Variants in MLLT3 observed in about 807,000 individuals in gnomAD.
MLLT3 encodes protein AF-9.
Under a neutral mutation model 53.2 loss-of-function variants are expected in MLLT3, and 4 were observed. The ratio of observed to expected loss-of-function variants is 0.08; its 90% CI spans 0.04 to 0.17. The LOEUF is 0.17. Ranked by LOEUF, MLLT3 falls within the 10% of genes least tolerant of loss-of-function variation. The probability of loss-of-function intolerance (pLI) is 1.00; values close to 1 mark genes in which losing one functional copy is unlikely to be tolerated. For missense variants in MLLT3, 569 were observed against 684.0 expected, an observed-to-expected ratio of 0.83 and a Z score of 1.87; for synonymous variants, 283 against 230.6, an observed-to-expected ratio of 1.23 and a Z score of -2.06.
chr9:20,488,042 T>C (rs1276931021), intron 2 of MLLT3, among the ~76,000 whole-genome samples: 1 of 152,168 alleles, frequency 6.6e-6, no homozygotes, highest in East Asian at 1.9e-4. Context: ...TACCTTTTTA[T>C]TGTGCCTTAG....
chr9:20,390,326 G>A (rs990112648), intron 5 of MLLT3, among the ~76,000 whole-genome samples: 3 of 152,012 alleles, frequency 2.0e-5, no homozygotes, highest in African/African-American at 7.2e-5. Flanking sequence ...TTGTTACATA[G>A]AATGAGATCT....
At chr9:20,505,952 A>G (rs1175199964) in intron 2 of MLLT3, among the ~76,000 whole-genome samples, 1 of 152,196 alleles carries the variant, frequency 6.6e-6, no homozygotes, top group Non-Finnish European at 1.5e-5. Context: ...GTCCAACTTT[A>G]CATTCCCAAA....
In MLLT3 at chr9:20,414,330, G is replaced by GCTGCTGCTGCTA. The variant is rs1822814681; in HGVS notation, c.515_516insTAGCAGCAGCAG (p.Ser187_Ser190dup). On this transcript the variant is annotated inframe_insertion, in exon 5 of 11. Coordinates refer to ENST00000380338, the MANE Select transcript of MLLT3 (RefSeq NM_004529.4). ...TGCTGCTACTGCTGCTGCTGCTGCT[G>GCTGCTGCTGCTA]CTGCTGCTGCTGCTACTGCTGCTGC... 6.2e-7 allele frequency: 1 copy of GCTGCTGCTGCTA among 1,606,498 alleles called. No individual in the cohort carries two copies. Among genetic ancestry groups the GCTGCTGCTGCTA allele is most frequent in the African/African-American group, 1.3e-5 (1 of 74,528 alleles).
chr9:20,354,508 T>C (rs1203017424), intron 9 of MLLT3, among the ~76,000 whole-genome samples: 1 of 152,228 alleles, frequency 6.6e-6, no homozygotes. Context: ...CATCTGAGAT[T>C]CCTTAATATT....
chr9:20,439,041 C>T (rs1192805468), intron 4 of MLLT3, among the ~76,000 whole-genome samples: 1 of 152,058 alleles, frequency 6.6e-6, no homozygotes, highest in Non-Finnish European at 1.5e-5. Context: ...AAATCTACAC[C>T]TGCAATAATC....
intron 2 of MLLT3, among the ~76,000 whole-genome samples, chr9:20,480,545 C>T (rs1416901142): frequency 6.6e-6 from 1 of 152,212 alleles, no homozygotes; most frequent in Non-Finnish European, 1.5e-5. Flanking sequence ...TATTTCAAAA[C>T]TGCATCTGCA....
intron 2 of MLLT3, among the ~76,000 whole-genome samples, chr9:20,525,003 G>C (rs1818163197): frequency 1.3e-5 from 2 of 151,868 alleles, no homozygotes. Context: ...CTAGTAGCTT[G>C]GCCCAGTGAG....
rs1490478416 is a variant in MLLT3 at position 20,622,273 on chromosome 9, G to A, written c.-17C>T. On this transcript the variant is annotated 5_prime_UTR_variant, in exon 1 of 11. Transcript: ENST00000380338. ...GCTAGCCATGCCTGGGGGCCCGGAG[G>A]TTTGCTGGGGTGTTGTGTGGTACCC... 1.3e-6 allele frequency: 2 copies of A among 1,589,544 alleles called. No individual in the cohort carries two copies. Among genetic ancestry groups the A allele is most frequent in the Admixed American group, 1.7e-5 (1 of 57,698 alleles).
Position 20,481,178 on chromosome 9 carries a change from T to A in MLLT3, c.194-24392A>T, listed in dbSNP as rs77097267. On this transcript the variant is annotated intron_variant, in intron 2 of 10. Coordinates refer to ENST00000380338, the MANE Select transcript of MLLT3 (RefSeq NM_004529.4). ...CTAAAGCCAAGTTTTCCCTGATGAA[T>A]TGTCTCAGAGCAGTGTTTGGGAACT... is the stretch of plus-strand genomic sequence containing the variant. Among the ~76,000 whole-genome samples the A allele has an allele frequency of 1.2e-3, 185 of 152,294 alleles. 3 individuals carry two copies. In the East Asian group the frequency reaches 0.028, roughly 23 times the overall value.
chr9:20,440,026 A>C (rs1447358951), intron 4 of MLLT3, among the ~76,000 whole-genome samples: 1 of 152,162 alleles, frequency 6.6e-6, no homozygotes, highest in African/African-American at 2.4e-5. Context: ...AGATAACAGA[A>C]AATTATGGTT....
At chr9:20,496,908 G>C (rs568872189) in intron 2 of MLLT3, among the ~76,000 whole-genome samples, 3 of 152,280 alleles carry the variant, frequency 2.0e-5, no homozygotes, top group Admixed American at 2.0e-4. Context: ...TTCCCCAAGA[G>C]CCTTTCTCAG....
intron 2 of MLLT3, among the ~76,000 whole-genome samples, chr9:20,541,759 A>G (rs1234542766): frequency 6.6e-6 from 1 of 152,214 alleles, no homozygotes; most frequent in Non-Finnish European, 1.5e-5. Context: ...TTCATCCATT[A>G]GAAGCAACTC....
chr9:20,461,730 G>A (rs906181506), intron 2 of MLLT3, among the ~76,000 whole-genome samples: 1 of 151,998 alleles, frequency 6.6e-6, no homozygotes, highest in Non-Finnish European at 1.5e-5. Context: ...GAAAACAGCT[G>A]GTAGATTCCT....
chr9:20,564,460 C>T (rs902713663), intron 2 of MLLT3, among the ~76,000 whole-genome samples: 2 of 152,242 alleles, frequency 1.3e-5, no homozygotes, highest in African/African-American at 4.8e-5. Context: ...GAGCAAGCCT[C>T]GAATTTGGCA....
intron 2 of MLLT3, among the ~76,000 whole-genome samples, chr9:20,507,894 A>C (rs1825425615): frequency 1.3e-5 from 2 of 152,208 alleles, no homozygotes; most frequent in African/African-American, 4.8e-5. Flanking sequence ...AGTATGCCTA[A>C]AATCATGATT....
rs146956295 is a variant in MLLT3, at chr9:20,614,992, G to A, written c.193+5662C>T. Among the ~76,000 whole-genome samples the A allele has an allele frequency of 7.5e-4, 110 of 147,018 alleles. 2 individuals are homozygous for A. The East Asian group carries it at 0.02, about 27-fold the overall frequency. Reference sequence around the variant, plus strand: ...TAAAGATAGGTAGTTCTACAGAGGGGCACCTACAATAATGAATATAAAAGA... The same window carrying A: ...TAAAGATAGGTAGTTCTACAGAGGGACACCTACAATAATGAATATAAAAGA... On this transcript the variant is annotated intron_variant, in intron 2 of 10. Transcript: ENST00000380338.
intron 6 of MLLT3, among the ~76,000 whole-genome samples, chr9:20,364,898 ATTAG>A (rs552574356): frequency 2.4e-4 from 37 of 152,260 alleles, no homozygotes; most frequent in Admixed American, 3.3e-4. Context: ...GGAAAATATA[ATTAG>A]TTAAATATTC....
At chr9:20,611,561 A>G (rs1332149882) in intron 2 of MLLT3, among the ~76,000 whole-genome samples, 1 of 152,106 alleles carries the variant, frequency 6.6e-6, no homozygotes, top group Non-Finnish European at 1.5e-5. Flanking sequence ...GAGAATATCA[A>G]CCTTCTAATA....
intron 2 of MLLT3, among the ~76,000 whole-genome samples, chr9:20,588,792 G>C (rs905276335): frequency 2.0e-5 from 3 of 152,094 alleles, no homozygotes; most frequent in Middle Eastern, 3.2e-3. Flanking sequence ...CTGCAAACAG[G>C]GACAATTTGA....
Sources: allele counts gnomAD v4.1 joint callset (sites outside exome capture counted in the v4.1 genomes callset), GRCh38; gene constraint gnomAD v4.1.1; transcripts MANE v1.5; gene names NCBI Gene and HGNC (gene_info 2026-07-23, HGNC 2026-07-21).